ZFYVE21: variants seen among roughly 807,000 people sequenced by gnomAD.
ZFYVE21 encodes zinc finger FYVE-type containing 21.
ZFYVE21 carries 21 observed loss-of-function variants against 29.5 expected under a neutral mutation model. The ratio of observed to expected loss-of-function variants is 0.71; its 90% CI spans 0.50 to 1.02. The LOEUF (loss-of-function observed/expected upper bound fraction) is 1.02. Ranked by LOEUF, ZFYVE21 falls within the 50% of genes least tolerant of loss-of-function variation. The pLI is 0.00. For synonymous variants in ZFYVE21, 151 were observed against 133.8 expected (o/e 1.13, Z -0.89); for missense variants, 326 against 335.4 (o/e 0.97, Z 0.22).
chr14:103,715,850 C>T lies in ZFYVE21; in HGVS notation c.9C>T (p.Ser3=), dbSNP rs1231847855. 15 of 1,419,472 alleles carry T rather than the reference C, an allele frequency of 1.1e-5. No homozygotes were observed. The East Asian group carries it at 4.0e-4, about 38-fold the overall frequency. The allele number at this position is 1,419,472 out of a possible 1,614,324, so 87.9% of individuals were successfully genotyped here. A position where few individuals can be genotyped will look rare whatever the true frequency, so the allele number is the denominator to read the frequency against. MS[S]EVSARRDAKK... ...GAGGCTGAGGCGGCGTCATGTCCTC[C>T]GAGGTGTCCGCGCGCCGCGACGCCA... The change falls in exon 1 of 7, where the codon TCC becomes TCT. Residue 3 remains serine (S), a synonymous_variant. Coordinates refer to ENST00000311141, the MANE Select transcript of ZFYVE21 (RefSeq NM_024071.4).
intron 1 of ZFYVE21, among the ~76,000 whole-genome samples, chr14:103,720,400 GAATT>G (rs1455324506): frequency 2.0e-5 from 3 of 152,130 alleles, no homozygotes; most frequent in Admixed American, 6.5e-5. Flanking sequence ...GGGGGGCTGA[GAATT>G]AGTTGACTGT....
rs1595691905 is a variant in ZFYVE21 at position 103,727,930 on chromosome 14, C to T, written c.358+16C>T. ...CTCCTGAGCGGTAAGGACGGGTGTC[C>T]TGCACAGTCCCGCGCGCTCCGCCAG... On this transcript the variant is annotated intron_variant, in intron 3 of 6. Coordinates refer to ENST00000311141, the MANE Select transcript of ZFYVE21 (RefSeq NM_024071.4). 4 of 1,592,104 alleles carry T rather than the reference C, an allele frequency of 2.5e-6. No individual in the cohort carries two copies. The East Asian group carries it at 9.0e-5, about 36-fold the overall frequency.
chr14:103,733,268 CTG>C lies in ZFYVE21; in HGVS notation c.*251_*252del, dbSNP rs1220220266. ...AATACTTAATTGGGGGTGGGAGAGA[CTG>C]AGCTACACTACTGCTAAACTATTTT... On this transcript the variant is annotated 3_prime_UTR_variant, in exon 7 of 7. Coordinates refer to ENST00000311141, the MANE Select transcript of ZFYVE21 (RefSeq NM_024071.4). The C allele has an allele frequency of 2.0e-6, 1 of 504,590 alleles. No individual in the cohort carries two copies. Among genetic ancestry groups the C allele is most frequent in the Non-Finnish European group, 3.5e-6 (1 of 283,424 alleles). The allele number at this position is 504,590 out of a possible 1,614,324, so 31.3% of individuals were successfully genotyped here.
intron 1 of ZFYVE21, among the ~76,000 whole-genome samples, chr14:103,719,920 G>A (rs2083859272): frequency 6.6e-6 from 1 of 152,180 alleles, no homozygotes; most frequent in Non-Finnish European, 1.5e-5. Flanking sequence ...CACAAAAAAG[G>A]ATTCCTGGGC....
At chr14:103,726,626 C>T in intron 1 of ZFYVE21, 166 bp from the exon 2 acceptor site, 2 of 824,734 alleles carry the variant, frequency 2.4e-6, no homozygotes, top group Non-Finnish European at 2.0e-6. Context: ...GGAGCCTGGG[C>T]ACAGGCGGCC....
At chr14:103,717,696 C>T (rs147134260) in intron 1 of ZFYVE21, among the ~76,000 whole-genome samples, 8 of 152,374 alleles carry the variant, frequency 5.3e-5, no homozygotes, top group East Asian at 1.9e-4. Context: ...CCCACGCTGG[C>T]GTGGTGGCAG....
intron 1 of ZFYVE21, among the ~76,000 whole-genome samples, chr14:103,717,089 G>A (rs1017092639): frequency 3.9e-5 from 6 of 152,136 alleles, no homozygotes; most frequent in African/African-American, 1.4e-4. Context: ...GGGGGTGAGC[G>A]GCCACAGAGC....
At chr14:103,732,826 AGG>A in intron 6 of ZFYVE21, 64 bp downstream of exon 6, 2 of 1,600,490 alleles carry the variant, frequency 1.2e-6, no homozygotes, top group Non-Finnish European at 1.7e-6. Flanking sequence ...CCTTTCCCAG[AGG>A]AAGCTCTGTG....
chr14:103,730,122 C>T (rs1327239448), intron 5 of ZFYVE21: 1 of 454,716 alleles, frequency 2.2e-6, no homozygotes, highest in Non-Finnish European at 3.9e-6. Context: ...CAGCCCTGAA[C>T]AGGCTGAGGC....
Position 103,727,790 on chromosome 14 carries a change from C to CA in ZFYVE21, c.235dup (p.Ser79LysfsTer56). 6.2e-7 allele frequency: 1 copy of CA among 1,612,154 alleles called. No individual in the cohort carries two copies. ...GGAAGTGCTTCTGCGACAGGTGCTG[C>CA]AGCCAGAAGGTGCCGCTGCGGCGCA... On this transcript the variant is annotated frameshift_variant, in exon 3 of 7. Transcript: ENST00000311141. LOFTEE classifies it high-confidence loss of function.
intron 1 of ZFYVE21, among the ~76,000 whole-genome samples, chr14:103,718,727 T>C (rs539988591): frequency 1.0e-3 from 152 of 152,036 alleles, no homozygotes; most frequent in African/African-American, 3.6e-3. Context: ...AGATCCTGAG[T>C]TTTATCCTTA....
chr14:103,727,080 G>A (rs1176568612), intron 2 of ZFYVE21: 3 of 483,580 alleles, frequency 6.2e-6, no homozygotes, highest in Non-Finnish European at 1.1e-5. Flanking sequence ...TGAGTAGCTG[G>A]GATTACAGGG....
rs2083929633 is a variant in ZFYVE21 at position 103,726,851 on chromosome 14, A to G, written c.189+9A>G. The G allele has an allele frequency of 6.2e-7, 1 of 1,609,004 alleles. No individual in the cohort carries two copies. On this transcript the variant is annotated intron_variant, in intron 2 of 6. Coordinates refer to ENST00000311141, the MANE Select transcript of ZFYVE21 (RefSeq NM_024071.4). The stretch of plus-strand genomic sequence containing the variant: ...ACTTTCTCACCAGAAAGGTGAGCTG[A>G]GGCCGCTGAGTGGGGGTGGTGGGAA...
intron 5 of ZFYVE21, chr14:103,732,346 T>C (rs919818741): frequency 5.8e-6 from 2 of 343,224 alleles, no homozygotes; most frequent in Non-Finnish European, 5.2e-6. Flanking sequence ...GCAAGGCCTC[T>C]CGTGGTGATG....
At chr14:103,723,306 C>T (rs1005001813) in intron 1 of ZFYVE21, among the ~76,000 whole-genome samples, 1 of 152,190 alleles carries the variant, frequency 6.6e-6, no homozygotes, top group African/African-American at 2.4e-5. Context: ...ATTCCAGAAC[C>T]GACAGGCCCA....
intron 1 of ZFYVE21, among the ~76,000 whole-genome samples, chr14:103,720,172 T>A (rs929487173): frequency 3.9e-5 from 6 of 152,206 alleles, no homozygotes; most frequent in African/African-American, 1.4e-4. Context: ...AACTCATATC[T>A]TCCTTCCTCA....
intron 1 of ZFYVE21, among the ~76,000 whole-genome samples, chr14:103,721,137 T>G (rs1281454821): frequency 6.6e-6 from 1 of 152,148 alleles, no homozygotes; most frequent in Non-Finnish European, 1.5e-5. Flanking sequence ...GTTTCTTCTT[T>G]CATTGCTCGC....
chr14:103,722,422 A>G (rs897545271), intron 1 of ZFYVE21, among the ~76,000 whole-genome samples: 2 of 146,458 alleles, frequency 1.4e-5, no homozygotes, highest in Non-Finnish European at 3.0e-5. Context: ...TGGCATGAAC[A>G]TGGCTCACTG....
At chr14:103,732,418 A>G (rs1013701804) in intron 5 of ZFYVE21, 1 of 525,640 alleles carries the variant, frequency 1.9e-6, no homozygotes, top group Non-Finnish European at 3.1e-6. Context: ...TCCCTCTCCC[A>G]CCCCACCTGT....
Sources: gnomAD v4.1 joint callset for allele counts (sites outside exome capture counted in the v4.1 genomes callset) on GRCh38, gnomAD v4.1.1 for gene constraint, MANE v1.5 for transcripts, NCBI Gene and HGNC (gene_info 2026-07-23, HGNC 2026-07-21) for gene names.